Variants in ANAPC5 observed in about 807,000 individuals in gnomAD.
The protein encoded by ANAPC5 is anaphase-promoting complex subunit 5.
In ANAPC5, 60 loss-of-function variants were observed where a neutral mutation model predicts 91.3. The observed-to-expected ratio is 0.66, with a 90% CI of 0.53 to 0.81. ANAPC5 has a LOEUF of 0.81. Ranked by LOEUF, ANAPC5 falls within the 40% of genes least tolerant of loss-of-function variation. ANAPC5 has a pLI of 0.00. For synonymous variants in ANAPC5, 340 were observed against 364.1 expected, an observed-to-expected ratio of 0.93 and a Z score of 0.75; for missense variants, 690 against 931.5, an observed-to-expected ratio of 0.74 and a Z score of 3.37.
rs573249307 is a variant in ANAPC5 at position 121,347,807 on chromosome 12, C to T, written c.282G>A (p.Gln94=). The change falls in exon 2 of 17, where the codon CAG becomes CAA. Residue 94 remains glutamine, a synonymous_variant. Transcript: ENST00000261819. ...ESCPQLANSV[Q]IRIKLMAEGE... Reference sequence around the variant, plus strand: ...AAGAAGAAAATGAAGTTTACCTGATCTGCACTGAATTTGCCAGCTGTGGAC... The same window carrying T: ...AAGAAGAAAATGAAGTTTACCTGATTTGCACTGAATTTGCCAGCTGTGGAC... 6.2e-7 allele frequency: 1 copy of T among 1,610,478 alleles called. No individual in the cohort carries two copies. Among genetic ancestry groups the T allele is most frequent in the Admixed American group, 1.7e-5 (1 of 60,000 alleles).
At chr12:121,353,448 T>G (rs1221182126), upstream of ANAPC5, among the ~76,000 whole-genome samples, 8 of 151,982 alleles carry the variant, frequency 5.3e-5, no homozygotes, top group African/African-American at 1.9e-4. Flanking sequence ...TTGTTTTGTT[T>G]TGTTTTGTTT....
chr12:121,347,449 G>C (rs1903713265), intron 2 of ANAPC5: 1 of 267,148 alleles, frequency 3.7e-6, no homozygotes, highest in South Asian at 5.5e-5. Context: ...AGGCAACAAA[G>C]CAAAATCCCA....
intron 5 of ANAPC5, among the ~76,000 whole-genome samples, chr12:121,338,048 AT>A (rs1214421265): frequency 1.3e-5 from 2 of 152,136 alleles, no homozygotes; most frequent in African/African-American, 2.4e-5. Flanking sequence ...CTTAACTCCA[AT>A]TTTACCTAGA....
chr12:121,351,335 T>C (rs528553953), intron 1 of ANAPC5: 11 of 261,706 alleles, frequency 4.2e-5, no homozygotes, highest in African/African-American at 1.9e-4. Flanking sequence ...ATCACACTAC[T>C]GCACTCCAGC....
At chr12:121,346,133 T>G in intron 3 of ANAPC5, 102 bp from the exon 4 acceptor site, 1 of 944,970 alleles carries the variant, frequency 1.1e-6, no homozygotes, top group Non-Finnish European at 1.6e-6. Context: ...AATTCTTCCT[T>G]CAGAAGAGTA....
At chr12:121,349,048 T>C (rs1555275005) in intron 1 of ANAPC5, among the ~76,000 whole-genome samples, 1 of 152,208 alleles carries the variant, frequency 6.6e-6, no homozygotes, top group Non-Finnish European at 1.5e-5. Flanking sequence ...GCAGATTACT[T>C]GAGGTCAGGA....
intron 16 of ANAPC5, 115 bp from the exon 17 acceptor site, chr12:121,308,806 C>A (rs1902043759): frequency 1.1e-6 from 1 of 898,654 alleles, no homozygotes; most frequent in Admixed American, 2.2e-5. Context: ...CTTTTATATT[C>A]TCCATTCTTT....
chr12:121,337,672 G>A (rs1230588517), intron 5 of ANAPC5, among the ~76,000 whole-genome samples: 2 of 152,054 alleles, frequency 1.3e-5, no homozygotes, highest in African/African-American at 4.8e-5. Context: ...ACCCAAAGCT[G>A]AGCAAACCGA....
At chr12:121,330,517 T>A (rs1903004295) in intron 9 of ANAPC5, 66 bp downstream of exon 9, 1 of 1,320,622 alleles carries the variant, frequency 7.6e-7, no homozygotes, top group East Asian at 2.3e-5. Context: ...ATGACAGAGG[T>A]GGGCAGAAAA....
intron 5 of ANAPC5, among the ~76,000 whole-genome samples, chr12:121,338,058 G>A (rs1266478500): frequency 6.6e-6 from 1 of 152,040 alleles, no homozygotes; most frequent in African/African-American, 2.4e-5. Context: ...ATTTTACCTA[G>A]ATGAGTTTTT....
At position 121,342,080 on chromosome 12, in the gene ANAPC5, T is replaced by A. The variant is rs1555274164; in HGVS notation, c.591-11A>T. The stretch of plus-strand genomic sequence containing the variant: ...GATACCTCCTCTTCTCTGGAAAAAA[T>A]AAAAAAACAAAAATAGTAAAGAATT... On this transcript the variant is annotated splice_polypyrimidine_tract_variant and intron_variant, in intron 4 of 16. Transcript: ENST00000261819. This position sits in a 1 kb window ranked among gnomAD's most constrained non-coding sequence, Gnocchi z 4.1. 1.9e-6 allele frequency: 3 copies of A among 1,577,850 alleles called. No individual in the cohort carries two copies. The highest frequency in any genetic ancestry group is 1.9e-5 in the Admixed American group (1 of 53,742).
chr12:121,318,566 T>C lies in ANAPC5; in HGVS notation c.1680A>G (p.Ala560=). ...CCAACAATTTTTGTAAAAGCTTATG[T>C]GCCTCTGACATTTGGTTCTGAGCTT... ...VLQAQNQMSE[A]HKLLQKLLVH... Residue 560 remains alanine (A), a synonymous_variant, in exon 14 of 17, where the codon GCA becomes GCG. Transcript: ENST00000261819. The C allele has an allele frequency of 6.2e-7, 1 of 1,614,222 alleles. No homozygotes were observed. Among genetic ancestry groups the C allele is most frequent in the Non-Finnish European group, 8.5e-7 (1 of 1,180,036 alleles).
At chr12:121,332,040 G>A (rs1293198195) in intron 7 of ANAPC5, 5 of 152,170 alleles carry the variant, frequency 3.3e-5, no homozygotes, top group Non-Finnish European at 4.4e-5. Flanking sequence ...GTCTCACTAT[G>A]TTCCCCAGGC....
intron 5 of ANAPC5, among the ~76,000 whole-genome samples, chr12:121,339,673 T>TAAATA (rs1903368775): frequency 6.6e-6 from 1 of 152,054 alleles, no homozygotes; most frequent in Non-Finnish European, 1.5e-5. Context: ...TTCACCATGT[T>TAAATA]GGTCAGGCTG....
At chr12:121,345,804 C>A in intron 4 of ANAPC5, 35 bp downstream of exon 4, 1 of 1,581,364 alleles carries the variant, frequency 6.3e-7, no homozygotes, top group South Asian at 1.1e-5. Context: ...TACTATTTCA[C>A]AGGAAAAGGA....
intron 10 of ANAPC5, chr12:121,327,461 TGGG>T: frequency 1.9e-6 from 1 of 527,994 alleles, no homozygotes. Context: ...AGGGCACAGC[TGGG>T]AGTACACGCT....
At chr12:121,325,932 G>A (rs782461046) in intron 11 of ANAPC5, among the ~76,000 whole-genome samples, 14 of 152,188 alleles carry the variant, frequency 9.2e-5, no homozygotes, top group Non-Finnish European at 1.8e-4. Context: ...CTTATCCAAG[G>A]CACCAGGAAA....
At chr12:121,350,400 G>C (rs1555275163) in intron 1 of ANAPC5, among the ~76,000 whole-genome samples, 2 of 152,182 alleles carry the variant, frequency 1.3e-5, no homozygotes, top group Non-Finnish European at 2.9e-5. Flanking sequence ...GAAATCCTCG[G>C]GCCGGGCGCG....
At position 121,330,608 on chromosome 12, in the gene ANAPC5, T is replaced by C. The variant is rs114635317; in HGVS notation, c.1097A>G (p.Lys366Arg). The change falls in exon 9 of 17, where the codon AAG (lysine) becomes AGG (arginine). Residue 366 changes from lysine to arginine, a missense_variant. Around this residue, in one of 5 missense-constraint regions of ANAPC5, gnomAD observed 36 missense variants for 27.6 expected, o/e 1.30. Coordinates refer to ENST00000261819, the MANE Select transcript of ANAPC5 (RefSeq NM_016237.5). ...CGGTAACCCAAAATGTACTGCCTTCTTCACAGAATGCTCCAGCAGAACATA... is the reference window on the plus strand; with the variant it reads ...CGGTAACCCAAAATGTACTGCCTTCCTCACAGAATGCTCCAGCAGAACATA... ...DSYVLLEHSV[K>R]KAVHFGLPYL... 3.8e-5 allele frequency: 61 copies of C among 1,614,104 alleles called. No individual in the cohort carries two copies. In the East Asian group the frequency reaches 1.0e-3, roughly 27 times the overall value.
Sources: allele counts gnomAD v4.1 joint callset (sites outside exome capture counted in the v4.1 genomes callset), GRCh38; gene constraint gnomAD v4.1.1; regional missense constraint gnomAD v4.1.1; non-coding constraint Gnocchi (gnomAD v3.1); transcripts MANE v1.5; gene names NCBI Gene and HGNC (gene_info 2026-07-23, HGNC 2026-07-21).